TMEM138: variants seen among roughly 807,000 people sequenced by gnomAD.
TMEM138 encodes transmembrane protein 138.
TMEM138 carries 9 observed loss-of-function variants against 18.1 expected under a neutral mutation model. The ratio of observed to expected loss-of-function variants is 0.50; its 90% confidence interval spans 0.30 to 0.87. The LOEUF is 0.87. TMEM138 is among the 40% of genes least tolerant of loss of function. The probability of loss-of-function intolerance (pLI) is 0.06; values close to 1 mark genes in which losing one functional copy is unlikely to be tolerated. For missense variants in TMEM138, 189 were observed against 190.6 expected (o/e 0.99, Z 0.05); for synonymous variants, 79 against 74.8 (o/e 1.06, Z -0.29).
In TMEM138 at chr11:61,366,242, T is replaced by C. The variant is rs781736357; in HGVS notation, c.300+26T>C. ...GTAAGAGTGGCAGTCTGAATTCTTT[T>C]TTTAATTTTTATTTTAAATAGAGGT... On this transcript the variant is annotated intron_variant, in intron 3 of 4. Transcript: ENST00000278826. 20 of 1,592,472 alleles carry C rather than the reference T, an allele frequency of 1.3e-5. No individual in the cohort carries two copies. In the African/African-American group the frequency reaches 2.2e-4, roughly 17 times the overall value.
chr11:61,374,232 C>A (rs1258977210), downstream of TMEM138, among the ~76,000 whole-genome samples: 3 of 144,816 alleles, frequency 2.1e-5, no homozygotes, highest in Non-Finnish European at 4.5e-5. Context: ...ACTGGAAACT[C>A]TGCGTCCCGG....
At chr11:61,367,260 G>C (rs1050272220) in intron 3 of TMEM138, 3 of 152,210 alleles carry the variant, frequency 2.0e-5, no homozygotes, top group African/African-American at 7.2e-5. Flanking sequence ...TGTGGTTTCA[G>C]ATTTCTTCTG....
downstream of TMEM138, among the ~76,000 whole-genome samples, chr11:61,371,367 C>T (rs967029677): frequency 6.6e-6 from 1 of 152,064 alleles, no homozygotes. Context: ...AGCCTTTTGT[C>T]AAAGCATTAT....
downstream of TMEM138, among the ~76,000 whole-genome samples, chr11:61,376,541 T>G (rs1858438191): frequency 6.6e-6 from 1 of 152,216 alleles, no homozygotes; most frequent in Non-Finnish European, 1.5e-5. Flanking sequence ...TTTCCATTTT[T>G]TTCCAATTTG....
At chr11:61,368,399 G>T (rs1436211479) in intron 4 of TMEM138, 198 bp from the exon 5 acceptor site, 1 of 532,592 alleles carries the variant, frequency 1.9e-6, no homozygotes, top group Non-Finnish European at 3.4e-6. Flanking sequence ...CTAATTTTTT[G>T]TGTATTTTTA....
intron 2 of TMEM138, among the ~76,000 whole-genome samples, chr11:61,365,096 G>A (rs1195658782): frequency 6.9e-6 from 1 of 144,630 alleles, no homozygotes; most frequent in African/African-American, 2.6e-5. Flanking sequence ...GCTGAGGCAG[G>A]AGAATCACTT....
At chr11:61,368,053 G>T (rs750267099) in intron 4 of TMEM138, 55 bp downstream of exon 4, 1 of 1,241,344 alleles carries the variant, frequency 8.1e-7, no homozygotes, top group Non-Finnish European at 1.2e-6. Flanking sequence ...GTCTCTTTCA[G>T]TGAGGGCCTT....
downstream of TMEM138, among the ~76,000 whole-genome samples, chr11:61,372,464 G>A (rs751666283): frequency 6.9e-5 from 10 of 145,082 alleles, no homozygotes; most frequent in Admixed American, 2.7e-4. Context: ...ACCGTGCCCA[G>A]CCGGAAAACA....
chr11:61,366,340 A>G lies in TMEM138; in HGVS notation c.300+124A>G, dbSNP rs1016202099. The G allele has an allele frequency of 1.9e-5, 21 of 1,126,890 alleles. No homozygotes were observed. The South Asian group carries it at 2.1e-4, about 11-fold the overall frequency. The allele number at this position is 1,126,890 out of a possible 1,614,324, so 69.8% of individuals were successfully genotyped here. A position where few individuals can be genotyped will look rare whatever the true frequency, so the allele number is the denominator to read the frequency against. The stretch of plus-strand genomic sequence containing the variant: ...GCAATTCTCCTGCTTCTGCCTCCCA[A>G]GCTCAAGCAATTCTCCTGCTTCTGC... On this transcript the variant is annotated intron_variant, in intron 3 of 4. Coordinates refer to ENST00000278826, the MANE Select transcript of TMEM138 (RefSeq NM_016464.5).
intron 3 of TMEM138, chr11:61,367,063 T>C (rs1858179974): frequency 6.6e-6 from 1 of 152,216 alleles, no homozygotes; most frequent in African/African-American, 2.4e-5. Context: ...AGGTTATTCT[T>C]AGGCATCAGT....
Position 61,366,090 on chromosome 11 carries a change from C to T in TMEM138, c.174C>T (p.Leu58=). The T allele has an allele frequency of 6.2e-7, 1 of 1,614,072 alleles. No individual in the cohort carries two copies. Among genetic ancestry groups the T allele is most frequent in the Non-Finnish European group, 8.5e-7 (1 of 1,179,990 alleles). ...TCTTCAACATCATCATCATTTTCCT[C>T]ATGTTCTTCAACACCTTCGTCTTCC... ...AVLFNIIIIF[L]MFFNTFVFQA... is the part of the protein sequence containing the mutation. Residue 58 remains leucine (L), a synonymous_variant, in exon 3 of 5, where the codon CTC becomes CTT. Coordinates refer to ENST00000278826, the MANE Select transcript of TMEM138 (RefSeq NM_016464.5).
chr11:61,367,597 GA>G, intron 3 of TMEM138: 1 of 267,364 alleles, frequency 3.7e-6, no homozygotes, highest in Non-Finnish European at 7.3e-6. Context: ...TATCTGACAG[GA>G]GCTGAGCCAG....
downstream of TMEM138, among the ~76,000 whole-genome samples, chr11:61,374,794 C>G (rs545212290): frequency 6.6e-6 from 1 of 152,104 alleles, no homozygotes; most frequent in Non-Finnish European, 1.5e-5. Context: ...ACTAAAAATA[C>G]AAAAATTAGC....
At chr11:61,370,063 G>A (rs144812867), downstream of TMEM138, among the ~76,000 whole-genome samples, 1 of 152,342 alleles carries the variant, frequency 6.6e-6, no homozygotes, top group African/African-American at 2.4e-5. Context: ...GGGCATAAGA[G>A]ACACAACACA....
chr11:61,369,674 CTT>C (rs773917855), downstream of TMEM138, among the ~76,000 whole-genome samples: 21 of 151,240 alleles, frequency 1.4e-4, no homozygotes, highest in African/African-American at 9.9e-5. Flanking sequence ...TGGGCTCACT[CTT>C]GTGTCTGTCA....
chr11:61,367,466 CAG>C (rs1858193559), intron 3 of TMEM138: 1 of 153,298 alleles, frequency 6.5e-6, no homozygotes, highest in Non-Finnish European at 1.5e-5. Context: ...AAAGCAACAC[CAG>C]AGTCTCCGGG....
chr11:61,364,662 G>A (rs1253723957), intron 2 of TMEM138, 144 bp downstream of exon 2: 1 of 1,157,328 alleles, frequency 8.6e-7, no homozygotes, highest in Non-Finnish European at 1.2e-6. Flanking sequence ...GCCAAGGCAG[G>A]AGGATCTTTT....
chr11:61,370,858 T>G (rs541802289), downstream of TMEM138, among the ~76,000 whole-genome samples: 67 of 152,254 alleles, frequency 4.4e-4, no homozygotes, highest in African/African-American at 1.6e-3. Flanking sequence ...ATGTGTCAGC[T>G]GCAGGTCAGC....
chr11:61,366,290 G>C (rs1858148826), intron 3 of TMEM138, 74 bp downstream of exon 3: 15 of 1,508,058 alleles, frequency 9.9e-6, no homozygotes, highest in Middle Eastern at 1.8e-4. Flanking sequence ...TGTTACCAAG[G>C]CTGGTCTCAA....
Sources: allele counts gnomAD v4.1 joint callset (sites outside exome capture counted in the v4.1 genomes callset), GRCh38; gene constraint gnomAD v4.1.1; transcripts MANE v1.5; gene names NCBI Gene and HGNC (gene_info 2026-07-23, HGNC 2026-07-21).